Variants in TENM2 observed in about 807,000 individuals in gnomAD.
TENM2 encodes teneurin-2.
In TENM2, 52 loss-of-function variants were observed where a neutral mutation model predicts 245.2. The observed-to-expected ratio is 0.21, with a 90% CI of 0.17 to 0.27. The LOEUF is 0.27. Among genes scored for constraint, TENM2 ranks in the 10% least tolerant of loss-of-function variants. The probability of loss-of-function intolerance (pLI) is 1.00; values close to 1 mark genes in which losing one functional copy is unlikely to be tolerated. For synonymous variants in TENM2, 1,363 were observed against 1,438.9 expected, an observed-to-expected ratio of 0.95 and a Z score of 1.19; for missense variants, 3,046 against 3,666.8, an observed-to-expected ratio of 0.83 and a Z score of 4.37.
At chr5:167,183,164 C>T in the TENM2 span, among the ~76,000 whole-genome samples, 1 of 152,042 alleles carries the variant, frequency 6.6e-6, no homozygotes, top group Non-Finnish European at 1.5e-5. Flanking sequence ...CATTCACGCA[C>T]ATGATTAGAA....
At chr5:167,165,236 G>A in the TENM2 span, 1 of 152,130 alleles carries the variant, frequency 6.6e-6, no homozygotes, top group Non-Finnish European at 1.5e-5. Flanking sequence ...TGGTGGGAGT[G>A]GGGAGCAGAG....
intron 19 of TENM2, among the ~76,000 whole-genome samples, chr5:168,207,666 T>C (rs1043038854): frequency 6.6e-6 from 1 of 152,136 alleles, no homozygotes; most frequent in Non-Finnish European, 1.5e-5. Flanking sequence ...AAGAGACCTG[T>C]CTTGCTTATG....
the TENM2 span, among the ~76,000 whole-genome samples, chr5:167,025,456 C>T: frequency 3.9e-5 from 6 of 152,026 alleles, no homozygotes; most frequent in Admixed American, 2.0e-4. Flanking sequence ...GAATACATTT[C>T]GTCATTTAAA....
At chr5:167,638,886 T>C (rs1461815728) in intron 2 of TENM2, among the ~76,000 whole-genome samples, 1 of 152,158 alleles carries the variant, frequency 6.6e-6, no homozygotes, top group Admixed American at 6.5e-5. Context: ...CTGAAAAGAA[T>C]TGCTAGAAAA....
At position 168,126,747 on chromosome 5, in the gene TENM2, C is replaced by A. The variant is rs1042089846; in HGVS notation, c.2210-7C>A. The A allele has an allele frequency of 1.2e-6, 2 of 1,601,994 alleles. No individual in the cohort carries two copies. The highest frequency in any genetic ancestry group is 1.7e-5 in the Admixed American group (1 of 59,238). On this transcript the variant is annotated splice_polypyrimidine_tract_variant and splice_region_variant and intron_variant, in intron 11 of 28. Transcript: ENST00000518659. ...GTGTTGAGCTGTAATCATTGTTTTTCTTCCAGAAGTGTGCTCAGTAGACTG... is the reference window on the plus strand; with the variant it reads ...GTGTTGAGCTGTAATCATTGTTTTTATTCCAGAAGTGTGCTCAGTAGACTG...
intron 2 of TENM2, among the ~76,000 whole-genome samples, chr5:167,716,603 A>G (rs1404021577): frequency 6.6e-6 from 1 of 152,210 alleles, no homozygotes; most frequent in African/African-American, 2.4e-5. Context: ...AAAAAGTTGC[A>G]TTTTATTTGT....
the TENM2 span, among the ~76,000 whole-genome samples, chr5:167,133,617 G>GA: frequency 0.04 from 2,702 of 67,442 alleles, 132 homozygotes; most frequent in African/African-American, 0.079. Context: ...ACTCAAACTT[G>GA]GAAAAAAAAA....
At chr5:168,255,537 C>T (rs1767573374) in intron 27 of TENM2, among the ~76,000 whole-genome samples, 1 of 151,774 alleles carries the variant, frequency 6.6e-6, no homozygotes, top group African/African-American at 2.4e-5. Flanking sequence ...AACTCCTGAC[C>T]TCAGGTGATC....
chr5:167,520,323 A>G (rs141134297), intron 2 of TENM2, among the ~76,000 whole-genome samples: 1 of 152,214 alleles, frequency 6.6e-6, no homozygotes, highest in Non-Finnish European at 1.5e-5. Flanking sequence ...GGATCTCGGC[A>G]GGAAGTAAAG....
At chr5:167,755,755 A>T (rs928901084) in intron 2 of TENM2, among the ~76,000 whole-genome samples, 1 of 152,148 alleles carries the variant, frequency 6.6e-6, no homozygotes, top group Non-Finnish European at 1.5e-5. Flanking sequence ...TCTTCAAAAC[A>T]TGGATTAGTC....
intron 2 of TENM2, among the ~76,000 whole-genome samples, chr5:167,810,119 G>T (rs1766523264): frequency 6.6e-6 from 1 of 152,118 alleles, no homozygotes; most frequent in Non-Finnish European, 1.5e-5. Flanking sequence ...AGTAGGTCTT[G>T]TCAAACAGCT....
chr5:167,590,972 G>A (rs1775838452), intron 2 of TENM2, among the ~76,000 whole-genome samples: 1 of 152,148 alleles, frequency 6.6e-6, no homozygotes, highest in Non-Finnish European at 1.5e-5. Flanking sequence ...TCTATCATGG[G>A]CCAAGTTCAT....
At chr5:168,099,872 G>A (rs1375473707) in intron 9 of TENM2, among the ~76,000 whole-genome samples, 1 of 152,198 alleles carries the variant, frequency 6.6e-6, no homozygotes, top group Non-Finnish European at 1.5e-5. Flanking sequence ...CTGTCACACA[G>A]TATGGTGAAA....
At chr5:167,615,636 G>T (rs1231611951) in intron 2 of TENM2, among the ~76,000 whole-genome samples, 1 of 152,052 alleles carries the variant, frequency 6.6e-6, no homozygotes, top group East Asian at 1.9e-4. Flanking sequence ...ATGGCAGACA[G>T]ATTTTTTTTG....
At chr5:167,925,055 A>C (rs557412522) in intron 3 of TENM2, among the ~76,000 whole-genome samples, 1 of 152,302 alleles carries the variant, frequency 6.6e-6, no homozygotes, top group Non-Finnish European at 1.5e-5. Context: ...TATATGTTCA[A>C]CTGTAGATTT....
chr5:167,551,494 C>T (rs1394453042), intron 2 of TENM2, among the ~76,000 whole-genome samples: 1 of 152,104 alleles, frequency 6.6e-6, no homozygotes, highest in African/African-American at 2.4e-5. Flanking sequence ...AACTGTATGT[C>T]TTTGACACTA....
the TENM2 span, among the ~76,000 whole-genome samples, chr5:167,208,452 A>G: frequency 6.6e-6 from 1 of 152,212 alleles, no homozygotes; most frequent in Non-Finnish European, 1.5e-5. Flanking sequence ...GCTAACTTAG[A>G]AGTGAGAAGT....
chr5:167,777,826 G>GA (rs899373743), intron 2 of TENM2, among the ~76,000 whole-genome samples: 49 of 151,202 alleles, frequency 3.2e-4, no homozygotes, highest in African/African-American at 1.0e-3. Context: ...GTCATTCACA[G>GA]AAAAAAAAAT....
At chr5:166,979,043 T>G in the TENM2 span, among the ~76,000 whole-genome samples, 1 of 150,646 alleles carries the variant, frequency 6.6e-6, no homozygotes, top group Admixed American at 6.6e-5. Flanking sequence ...GCGCGAGAGC[T>G]CGCGTGCAGG....
Sources: gnomAD v4.1 joint callset for allele counts (sites outside exome capture counted in the v4.1 genomes callset) on GRCh38, gnomAD v4.1.1 for gene constraint, MANE v1.5 for transcripts, NCBI Gene and HGNC (gene_info 2026-07-23, HGNC 2026-07-21) for gene names.